Variants in LAMA5 observed in about 807,000 individuals in gnomAD.
LAMA5 encodes laminin subunit alpha-5.
In LAMA5, 260 loss-of-function variants were observed where a neutral mutation model predicts 433.4. The observed-to-expected ratio is 0.60, with a 90% CI of 0.54 to 0.66. The LOEUF is 0.66. LAMA5 is among the 30% of genes least tolerant of loss of function. LAMA5 has a pLI of 0.00. For synonymous variants in LAMA5, 2,620 were observed against 2,226.6 expected (o/e 1.18, Z -4.97); for missense variants, 5,378 against 5,258.5 (o/e 1.02, Z -0.70).
Position 62,324,195 on chromosome 20 carries a change from G to A in LAMA5, c.5653C>T (p.His1885Tyr), listed in dbSNP as rs371159688. The A allele has an allele frequency of 5.7e-6, 9 of 1,576,912 alleles. No individual in the cohort carries two copies. In the African/African-American group the frequency reaches 9.7e-5, roughly 17 times the overall value. Residue 1885 changes from histidine (H) to tyrosine (Y), a missense_variant, in exon 43 of 80, where the codon CAC (histidine) becomes TAC (tyrosine). His to Tyr is a moderately conservative substitution (Grantham distance 83). Coordinates refer to ENST00000252999, the MANE Select transcript of LAMA5 (RefSeq NM_005560.6). The surrounding 1 kb of genome is among the most constrained non-coding windows in gnomAD (Gnocchi z 4.4). ...TCACAGTGGGCCCCTTCGGTGTTGT[G>A]CTGGCAGTCCTGGGGCAGAGTGGAC... Reference protein sequence around the residue: ...PGSGVCVDCQHNTEGAHCERC... With the variant: ...PGSGVCVDCQYNTEGAHCERC...
chr20:62,339,874 C>G (rs2427290), intron 11 of LAMA5, among the ~76,000 whole-genome samples: 118,498 of 152,120 alleles, frequency 0.78, 49,012 homozygotes, highest in East Asian at 0.94. Flanking sequence ...CGTGGGGCTG[C>G]GCTGTCTCCT....
intron 25 of LAMA5, 30 bp downstream of exon 25, chr20:62,333,345 C>G: frequency 6.2e-7 from 1 of 1,601,144 alleles, no homozygotes; most frequent in Non-Finnish European, 8.5e-7. Context: ...GAAGCCCCCA[C>G]CCCGGTCCCA....
intron 12 of LAMA5, 24 bp downstream of exon 12, chr20:62,338,444 G>C: frequency 6.2e-7 from 1 of 1,607,730 alleles, no homozygotes; most frequent in Non-Finnish European, 8.5e-7. Context: ...GCAGGTAGAG[G>C]TTGAGCGGGG....
Position 62,311,240 on chromosome 20 carries a change from G to A in LAMA5, c.10010C>T (p.Thr3337Ile). ...ACCCCCAAACTGGTAGGAGTCTCGG[G>A]TGGTCCTGAGGTGTGGGGGCAGCAT... ...ACMLPPHLRT[T>I]RDSYQFGGSL... The change falls in exon 73 of 80, where the codon ACC (threonine) becomes ATC (isoleucine). Residue 3337 changes from threonine to isoleucine, a missense_variant. By Grantham distance (89) the Thr-to-Ile change is moderately conservative (BLOSUM62 -1). Transcript: ENST00000252999. 6.2e-7 allele frequency: 1 copy of A among 1,609,834 alleles called. No homozygotes were observed. The highest frequency in any genetic ancestry group is 1.7e-5 in the Admixed American group (1 of 59,184).
At chr20:62,317,601 C>A (rs777951799) in intron 54 of LAMA5, 61 bp downstream of exon 54, 2 of 1,517,616 alleles carry the variant, frequency 1.3e-6, no homozygotes, top group South Asian at 2.6e-5. Flanking sequence ...AAGCTGCCCA[C>A]GGGCCTGGGA....
chr20:62,324,152 A>T lies in LAMA5; in HGVS notation c.5696T>A (p.Phe1899Tyr), dbSNP rs758582738. The change falls in exon 43 of 80, where the codon TTC becomes TAC. Residue 1899 changes from phenylalanine to tyrosine, a missense_variant. Coordinates refer to ENST00000252999, the MANE Select transcript of LAMA5 (RefSeq NM_005560.6). The surrounding 1 kb of genome is among the most constrained non-coding windows in gnomAD (Gnocchi z 4.4). ...GCTGGGGTCGTCCCTGCTGCTCACG[A>T]AGCCAGCCTGGCAGCGCTCACAGTG... ...GAHCERCQAG[F>Y]VSSRDDPSAP... The T allele has an allele frequency of 6.4e-7, 1 of 1,555,170 alleles. No individual in the cohort carries two copies. Among genetic ancestry groups the T allele is most frequent in the South Asian group, 1.2e-5 (1 of 82,108 alleles).
intron 62 of LAMA5, 138 bp from the exon 63 acceptor site, chr20:62,313,940 A>G (rs1601284505): frequency 1.4e-6 from 1 of 709,924 alleles, no homozygotes. Flanking sequence ...AGGGGTGGCG[A>G]GTGGGCATGG....
Position 62,318,639 on chromosome 20 carries a change from C to T in LAMA5, c.7054G>A (p.Val2352Met), listed in dbSNP as rs1987316230. ...CAGAGGCTGCTCAGCTGCTCCTGCA[C>T]CCGGGCCAGCACTAGCCGAGACCAG... is the stretch of plus-strand genomic sequence containing the variant. ...LAAAQRLLAR[V>M]QEQLSSLWEE... is the part of the protein sequence containing the mutation. Residue 2352 changes from valine to methionine, a missense_variant, in exon 53 of 80, where the codon GTG becomes ATG. Transcript: ENST00000252999. 1 of 1,610,224 alleles carries T rather than the reference C, an allele frequency of 6.2e-7. No homozygotes were observed. Among genetic ancestry groups the T allele is most frequent in the Non-Finnish European group, 8.5e-7 (1 of 1,178,922 alleles).
chr20:62,361,614 G>A (rs1227951838), intron 2 of LAMA5, among the ~76,000 whole-genome samples: 1 of 152,246 alleles, frequency 6.6e-6, no homozygotes, highest in African/African-American at 2.4e-5. Flanking sequence ...TGGGATGCAG[G>A]CCTCTGGGTC....
At chr20:62,366,785 G>A (rs1402057183) in intron 1 of LAMA5, among the ~76,000 whole-genome samples, 164 bp downstream of exon 1, 1 of 152,184 alleles carries the variant, frequency 6.6e-6, no homozygotes, top group Non-Finnish European at 1.5e-5. Context: ...TCCCGGCCGA[G>A]ACGGAGCGGC....
In LAMA5 at chr20:62,309,133, TA is replaced by T; in HGVS notation, c.*202del. The T allele has an allele frequency of 1.6e-6, 1 of 627,616 alleles. No homozygotes were observed. Among genetic ancestry groups the T allele is most frequent in the East Asian group, 2.9e-5 (1 of 34,080 alleles). 38.9% of individuals were successfully genotyped at this position (627,616 alleles called of 1,614,324 possible). ...TGATTGGTGACAAATCTCTCACAAT[TA>T]AAAATGGGTGGAAGGGCCAAATATA... On this transcript the variant is annotated 3_prime_UTR_variant, in exon 80 of 80. Transcript: ENST00000252999.
chr20:62,315,085 A>G lies in LAMA5; in HGVS notation c.7990T>C (p.Tyr2664His). 1 of 1,604,198 alleles carries G rather than the reference A, an allele frequency of 6.2e-7. No homozygotes were observed. The highest frequency in any genetic ancestry group is 8.5e-7 in the Non-Finnish European group (1 of 1,179,536). The part of the protein sequence containing the change: ...QENVERWQGQ[Y>H]EGLRGQDLGQ... ...AGGTCCTGGCCCCGCAGGCCCTCGTACTGGCCCTGCCACCGCTCCACATTC... is the reference window on the plus strand; with the variant it reads ...AGGTCCTGGCCCCGCAGGCCCTCGTGCTGGCCCTGCCACCGCTCCACATTC... Residue 2664 changes from tyrosine to histidine, a missense_variant, in exon 59 of 80, where the codon TAC becomes CAC. Tyr to His is a moderately conservative substitution (Grantham distance 83, BLOSUM62 2). Transcript: ENST00000252999.
chr20:62,346,831 G>C (rs939551544), intron 7 of LAMA5, 31 bp from the exon 8 acceptor site: 1 of 1,606,942 alleles, frequency 6.2e-7, no homozygotes, highest in East Asian at 2.2e-5. Flanking sequence ...CTGTTGGCAC[G>C]CCCTCCACAG....
At chr20:62,354,035 A>G (rs1046173441) in intron 2 of LAMA5, among the ~76,000 whole-genome samples, 30 of 152,026 alleles carry the variant, frequency 2.0e-4, no homozygotes, top group Non-Finnish European at 3.5e-4. Flanking sequence ...GCTCCTTCCC[A>G]GGCCTCCGAA....
At position 62,324,245 on chromosome 20, in the gene LAMA5, C is replaced by T. The variant is rs1193692638; in HGVS notation, c.5644-41G>A. On this transcript the variant is annotated intron_variant, in intron 42 of 79. Transcript: ENST00000252999. This position sits in a 1 kb window ranked among gnomAD's most constrained non-coding sequence, Gnocchi z 4.4. ...CAGTCAGAGCTATGGTGGACACCCA[C>T]ATCCTACTGCCGAGTCTGTGCAGCT... is the stretch of plus-strand genomic sequence containing the variant. The T allele has an allele frequency of 1.9e-6, 3 of 1,574,356 alleles. No individual in the cohort carries two copies. Among genetic ancestry groups the T allele is most frequent in the South Asian group, 1.2e-5 (1 of 85,706 alleles).
chr20:62,328,374 G>A lies in LAMA5; in HGVS notation c.4519C>T (p.Pro1507Ser), dbSNP rs757311935. Residue 1507 changes from proline to serine, a missense_variant, in exon 35 of 80, where the codon CCC (proline) becomes TCC (serine). Transcript: ENST00000252999. Reference protein sequence around the residue: ...QCICPPRTIPPDCLLCQPQTF... With the variant: ...QCICPPRTIPSDCLLCQPQTF... ...TGGGGCTGGCACAGCAGGCAGTCGG[G>A]CGGGATGGTGCGTGGCGGGCAGATG... 6.4e-7 allele frequency: 1 copy of A among 1,574,778 alleles called. No individual in the cohort carries two copies. The highest frequency in any genetic ancestry group is 8.6e-7 in the Non-Finnish European group (1 of 1,160,034).
Position 62,318,992 on chromosome 20 carries a change from T to A in LAMA5, c.6893A>T (p.His2298Leu). The A allele has an allele frequency of 1.3e-6, 2 of 1,588,354 alleles. No individual in the cohort carries two copies. The highest frequency in any genetic ancestry group is 8.5e-7 in the Non-Finnish European group (1 of 1,169,806). Residue 2298 changes from histidine to leucine, a missense_variant, in exon 52 of 80, where the codon CAC becomes CTC. Coordinates refer to ENST00000252999, the MANE Select transcript of LAMA5 (RefSeq NM_005560.6). ...TLSELMSQTGHLGLANASAPS... is the reference protein window; with the variant it reads ...TLSELMSQTGLLGLANASAPS... ...AGCCGAGGCATTGGCCAGCCCCAGG[T>A]GGCCCGTCTGGGACATGAGCTCTGT...
At chr20:62,341,826 C>CAAAAAAAA (rs11466846) in intron 11 of LAMA5, among the ~76,000 whole-genome samples, 9 of 128,146 alleles carry the variant, frequency 7.0e-5, no homozygotes, top group African/African-American at 3.4e-4. Context: ...TCTGATCAAC[C>CAAAAAAAA]AAAAAAAAAA....
Position 62,337,681 on chromosome 20 carries a change from G to C in LAMA5, c.2073C>G (p.Pro691=). ...AEGSLHAACD[P]RSGQCSCRPR... ...GCCGGCAGCTGCACTGCCCACTCCG[G>C]GGGTCACAGGCTGCGTGCAGGGAGC... The change falls in exon 16 of 80, where the codon CCC becomes CCG. Residue 691 remains proline, a synonymous_variant. Transcript: ENST00000252999. 1 of 1,612,028 alleles carries C rather than the reference G, an allele frequency of 6.2e-7. No homozygotes were observed.
Sources: gnomAD v4.1 joint callset for allele counts (sites outside exome capture counted in the v4.1 genomes callset) on GRCh38, gnomAD v4.1.1 for gene constraint, Gnocchi (gnomAD v3.1) non-coding constraint, MANE v1.5 for transcripts, NCBI Gene and HGNC (gene_info 2026-07-23, HGNC 2026-07-21) for gene names.